Variants in NDN observed in about 807,000 individuals in gnomAD.
NDN encodes necdin, MAGE family member.
For synonymous variants in NDN, 245 were observed against 189.4 expected (o/e 1.29, Z -2.41); for missense variants, 465 against 440.4 (o/e 1.06, Z -0.50).
At position 23,686,456 on chromosome 15, in the gene NDN, C is replaced by A. The variant is rs1463392345; in HGVS notation, c.762G>T (p.Glu254Asp). 1 of 1,610,880 alleles carries A rather than the reference C, an allele frequency of 6.2e-7. No homozygotes were observed. ...YLKYQRVPYVEPPEYEFFWGS... is the reference protein window; with the variant it reads ...YLKYQRVPYVDPPEYEFFWGS... ...CCCAAAAGAACTCGTATTCGGGCGG[C>A]TCCACGTATGGGACGCGCTGGTACT... Residue 254 changes from glutamate to aspartate, a missense_variant, in exon 1 of 1, where the codon GAG (glutamate) becomes GAT (aspartate). Transcript: ENST00000649030.
chr15:23,686,543 G>A lies in NDN; in HGVS notation c.675C>T (p.His225=). ...RILGLRPWKK[H]STFGDVRKLI... is the part of the protein sequence containing the mutation. ...GCTTCCGCACGTCCCCGAAGGTGGA[G>A]TGCTTCTTCCAGGGCCGCAGCCCCA... Residue 225 remains histidine (H), a synonymous_variant, in exon 1 of 1, where the codon CAC becomes CAT. Transcript: ENST00000649030. 2.5e-6 allele frequency: 4 copies of A among 1,613,526 alleles called. No homozygotes were observed. Among genetic ancestry groups the A allele is most frequent in the Non-Finnish European group, 2.5e-6 (3 of 1,180,028 alleles).
In NDN at chr15:23,686,083, G is replaced by T; in HGVS notation, c.*169C>A. 2.7e-6 allele frequency: 2 copies of T among 741,166 alleles called. No individual in the cohort carries two copies. Among genetic ancestry groups the T allele is most frequent in the African/African-American group, 1.8e-5 (1 of 56,282 alleles). 45.9% of individuals were successfully genotyped at this position (741,166 alleles called of 1,614,324 possible). A position where few individuals can be genotyped will look rare whatever the true frequency, so the allele number is the denominator to read the frequency against. Reference sequence around the variant, plus strand: ...CATACATCCTAAATACTACACAATAGTACCCAAATGAATACAACATTGCAT... The same window carrying T: ...CATACATCCTAAATACTACACAATATTACCCAAATGAATACAACATTGCAT... On this transcript the variant is annotated 3_prime_UTR_variant, in exon 1 of 1. Transcript: ENST00000649030.
In NDN at chr15:23,686,392, T is replaced by G. The variant is rs764572296; in HGVS notation, c.826A>C (p.Met276Leu). ...TTAAAGACCCTGGCCAGGAACTCCA[T>G]GATTTGCATCTTGGTGATTTCGCGG... ...ASREITKMQIMEFLARVFKKD... is the reference protein window; with the variant it reads ...ASREITKMQILEFLARVFKKD... Residue 276 changes from methionine (M) to leucine (L), a missense_variant, in exon 1 of 1, where the codon ATG (methionine) becomes CTG (leucine). Physicochemically the swap from Met to Leu is conservative, Grantham distance 15 (BLOSUM62 2). Coordinates refer to ENST00000649030, the MANE Select transcript of NDN (RefSeq NM_002487.3). 19 of 1,607,892 alleles carry G rather than the reference T, an allele frequency of 1.2e-5. No homozygotes were observed. In the South Asian group the frequency reaches 2.0e-4, roughly 17 times the overall value.
chr15:23,686,133 A>C lies in NDN; in HGVS notation c.*119T>G. On this transcript the variant is annotated 3_prime_UTR_variant, in exon 1 of 1. Coordinates refer to ENST00000649030, the MANE Select transcript of NDN (RefSeq NM_002487.3). ...TTAAAGGTATAAAAGCACTGTACTG[A>C]AAACTTAAAAGTTACACGTGAATAC... The C allele has an allele frequency of 1.6e-6, 2 of 1,284,740 alleles. No homozygotes were observed. Among genetic ancestry groups the C allele is most frequent in the Non-Finnish European group, 2.1e-6 (2 of 963,020 alleles). 79.6% of individuals were successfully genotyped at this position (1,284,740 alleles called of 1,614,324 possible). A position where few individuals can be genotyped will look rare whatever the true frequency, so the allele number is the denominator to read the frequency against.
Position 23,687,254 on chromosome 15 carries a change from C to G in NDN, c.-37G>C. The G allele has an allele frequency of 7.3e-7, 1 of 1,377,144 alleles. No individual in the cohort carries two copies. The highest frequency in any genetic ancestry group is 9.4e-7 in the Non-Finnish European group (1 of 1,059,172). 85.3% of individuals were successfully genotyped at this position (1,377,144 alleles called of 1,614,324 possible). A position where few individuals can be genotyped will look rare whatever the true frequency, so the allele number is the denominator to read the frequency against. ...CTGGCAAGGGCAGGGCCTCTGCGTC[C>G]AGGAGCTCTTCGAGCCTGCGCTCCC... On this transcript the variant is annotated 5_prime_UTR_variant, in exon 1 of 1. Transcript: ENST00000649030.
rs1169376776 is a variant in NDN at position 23,685,442 on chromosome 15, TCTTA to T, written c.*806_*809del. On this transcript the variant is annotated 3_prime_UTR_variant, in exon 1 of 1. Coordinates refer to ENST00000649030, the MANE Select transcript of NDN (RefSeq NM_002487.3). ...TCCCATATGATGTGATTACAGACAA[TCTTA>T]CTGTTTTGTTTTGTATACTTTTCTA... The T allele has an allele frequency of 1.8e-4, 28 of 152,194 alleles. No homozygotes were observed. The highest frequency in any genetic ancestry group is 4.3e-4 in the African/African-American group (18 of 41,446). 9.4% of individuals were successfully genotyped at this position (152,194 alleles called of 1,614,324 possible). A position where few individuals can be genotyped will look rare whatever the true frequency, so the allele number is the denominator to read the frequency against.
At position 23,685,449 on chromosome 15, in the gene NDN, GT is replaced by G. The variant is rs1176475774; in HGVS notation, c.*802del. 1 of 152,028 alleles carries G rather than the reference GT, an allele frequency of 6.6e-6. No individual in the cohort carries two copies. Among genetic ancestry groups the G allele is most frequent in the Non-Finnish European group, 1.5e-5 (1 of 67,986 alleles). The allele number at this position is 152,028 out of a possible 1,614,324, so 9.4% of individuals were successfully genotyped here. On this transcript the variant is annotated 3_prime_UTR_variant, in exon 1 of 1. Coordinates refer to ENST00000649030, the MANE Select transcript of NDN (RefSeq NM_002487.3). ...TGATGTGATTACAGACAATCTTACTGTTTTGTTTTGTATACTTTTCTATATT... is the reference window on the plus strand; with the variant it reads ...TGATGTGATTACAGACAATCTTACTGTTTGTTTTGTATACTTTTCTATATT...
chr15:23,686,948 C>G lies in NDN; in HGVS notation c.270G>C (p.Pro90=), dbSNP rs773231005. 1 of 1,606,332 alleles carries G rather than the reference C, an allele frequency of 6.2e-7. No homozygotes were observed. The highest frequency in any genetic ancestry group is 1.1e-5 in the South Asian group (1 of 90,592). The change falls in exon 1 of 1, where the codon CCG becomes CCC. Residue 90 remains proline (P), a synonymous_variant. Transcript: ENST00000649030. The part of the protein sequence containing the change: ...HQAPSAAQPG[P]APPAPAQLVQ... The stretch of plus-strand genomic sequence containing the variant: ...CCAGCTGCGCCGGGGCTGGCGGTGC[C>G]GGGCCCGGCTGGGCCGCGCTCGGGG...
At position 23,687,253 on chromosome 15, in the gene NDN, C is replaced by G. The variant is rs1282642195; in HGVS notation, c.-36G>C. 1.5e-6 allele frequency: 2 copies of G among 1,377,460 alleles called. No homozygotes were observed. The highest frequency in any genetic ancestry group is 3.0e-5 in the African/African-American group (2 of 66,570). 85.3% of individuals were successfully genotyped at this position (1,377,460 alleles called of 1,614,324 possible). ...TCTGGCAAGGGCAGGGCCTCTGCGTCCAGGAGCTCTTCGAGCCTGCGCTCC... is the reference window on the plus strand; with the variant it reads ...TCTGGCAAGGGCAGGGCCTCTGCGTGCAGGAGCTCTTCGAGCCTGCGCTCC... On this transcript the variant is annotated 5_prime_UTR_variant, in exon 1 of 1. Transcript: ENST00000649030.
At position 23,686,775 on chromosome 15, in the gene NDN, G is replaced by C. The variant is rs373844557; in HGVS notation, c.443C>G (p.Ala148Gly). 1.2e-6 allele frequency: 2 copies of C among 1,613,928 alleles called. No individual in the cohort carries two copies. Among genetic ancestry groups the C allele is most frequent in the Non-Finnish European group, 1.7e-6 (2 of 1,180,024 alleles). Reference protein sequence around the residue: ...SILRRTSLILARVFGLHLRLT... With the variant: ...SILRRTSLILGRVFGLHLRLT... The stretch of plus-strand genomic sequence containing the variant: ...CCTCAGGTGCAGCCCGAACACCCGG[G>C]CGAGGATGAGGCTGGTGCGCCGGAG... The change falls in exon 1 of 1, where the codon GCC (alanine) becomes GGC (glycine). Residue 148 changes from alanine to glycine, a missense_variant. Ala to Gly is a moderately conservative substitution (Grantham distance 60). Transcript: ENST00000649030.
In NDN at chr15:23,687,254, C is replaced by T. The variant is rs1891170057; in HGVS notation, c.-37G>A. 2 of 1,377,036 alleles carry T rather than the reference C, an allele frequency of 1.5e-6. No individual in the cohort carries two copies. Among genetic ancestry groups the T allele is most frequent in the Admixed American group, 3.0e-5 (1 of 33,370 alleles). The allele number at this position is 1,377,036 out of a possible 1,614,324, so 85.3% of individuals were successfully genotyped here. On this transcript the variant is annotated 5_prime_UTR_variant, in exon 1 of 1. Transcript: ENST00000649030. ...CTGGCAAGGGCAGGGCCTCTGCGTCCAGGAGCTCTTCGAGCCTGCGCTCCC... is the reference window on the plus strand; with the variant it reads ...CTGGCAAGGGCAGGGCCTCTGCGTCTAGGAGCTCTTCGAGCCTGCGCTCCC...
At position 23,686,660 on chromosome 15, in the gene NDN, G is replaced by A. The variant is rs1448944813; in HGVS notation, c.558C>T (p.Pro186=). 1 of 1,613,484 alleles carries A rather than the reference G, an allele frequency of 6.2e-7. No homozygotes were observed. The highest frequency in any genetic ancestry group is 8.5e-7 in the Non-Finnish European group (1 of 1,180,006). The change falls in exon 1 of 1, where the codon CCC becomes CCT. Residue 186 remains proline, a synonymous_variant. Transcript: ENST00000649030. ...LDRVALSNRM[P]MTGLLLMILS... is the part of the protein sequence containing the mutation. ...GGATCATGAGCAGGAGGCCTGTCATGGGCATGCGGTTGCTCAGCGCCACCC... is the reference window on the plus strand; with the variant it reads ...GGATCATGAGCAGGAGGCCTGTCATAGGCATGCGGTTGCTCAGCGCCACCC...
In NDN at chr15:23,687,198, T is replaced by C; in HGVS notation, c.20A>G (p.Asp7Gly). Residue 7 changes from aspartate (D) to glycine (G), a missense_variant, in exon 1 of 1, where the codon GAT becomes GGT. Asp to Gly is a moderately conservative substitution (Grantham distance 94). Coordinates refer to ENST00000649030, the MANE Select transcript of NDN (RefSeq NM_002487.3). MSEQSK[D>G]LSDPNFAAEA... ...GGCTGCAAAGTTAGGGTCGCTCAGA[T>C]CCTTACTTTGTTCTGACATGTCTGC... The C allele has an allele frequency of 1.3e-6, 2 of 1,503,376 alleles. No individual in the cohort carries two copies. The highest frequency in any genetic ancestry group is 1.8e-6 in the Non-Finnish European group (2 of 1,129,458). 93.1% of individuals were successfully genotyped at this position (1,503,376 alleles called of 1,614,324 possible).
In NDN at chr15:23,686,776, C is replaced by T; in HGVS notation, c.442G>A (p.Ala148Thr). 6.2e-7 allele frequency: 1 copy of T among 1,614,014 alleles called. No homozygotes were observed. The highest frequency in any genetic ancestry group is 8.5e-7 in the Non-Finnish European group (1 of 1,180,012). Residue 148 changes from alanine to threonine, a missense_variant, in exon 1 of 1, where the codon GCC (alanine) becomes ACC (threonine). Transcript: ENST00000649030. ...CTCAGGTGCAGCCCGAACACCCGGG[C>T]GAGGATGAGGCTGGTGCGCCGGAGG... ...SILRRTSLIL[A>T]RVFGLHLRLT...
Position 23,686,074 on chromosome 15 carries a change from TACACA to T in NDN, c.*173_*177del, listed in dbSNP as rs561888050. The T allele has an allele frequency of 8.9e-4, 606 of 683,226 alleles. 14 individuals are homozygous for T. In the South Asian group the frequency reaches 0.029, roughly 33 times the overall value. The allele number at this position is 683,226 out of a possible 1,614,324, so 42.3% of individuals were successfully genotyped here. Reference sequence around the variant, plus strand: ...ACAAACATGCATACATCCTAAATACTACACAATAGTACCCAAATGAATACAACATT... The same window carrying T: ...ACAAACATGCATACATCCTAAATACTATAGTACCCAAATGAATACAACATT... On this transcript the variant is annotated 3_prime_UTR_variant, in exon 1 of 1. Transcript: ENST00000649030.
At position 23,685,427 on chromosome 15, in the gene NDN, T is replaced by C. The variant is rs1321634829; in HGVS notation, c.*825A>G. ...ATTTTTGTTTTTTATTCCCATATGA[T>C]GTGATTACAGACAATCTTACTGTTT... On this transcript the variant is annotated 3_prime_UTR_variant, in exon 1 of 1. Coordinates refer to ENST00000649030, the MANE Select transcript of NDN (RefSeq NM_002487.3). 6.6e-6 allele frequency: 1 copy of C among 152,240 alleles called. No homozygotes were observed. Among genetic ancestry groups the C allele is most frequent in the Non-Finnish European group, 1.5e-5 (1 of 68,042 alleles). 9.4% of individuals were successfully genotyped at this position (152,240 alleles called of 1,614,324 possible). A position where few individuals can be genotyped will look rare whatever the true frequency, so the allele number is the denominator to read the frequency against.
rs978719509 is a variant in NDN at position 23,686,550 on chromosome 15, T to C, written c.668A>G (p.Lys223Arg). The part of the protein sequence containing the change: ...VLRILGLRPW[K>R]KHSTFGDVRK... Reference sequence around the variant, plus strand: ...CACGTCCCCGAAGGTGGAGTGCTTCTTCCAGGGCCGCAGCCCCAGGATGCG... The same window carrying C: ...CACGTCCCCGAAGGTGGAGTGCTTCCTCCAGGGCCGCAGCCCCAGGATGCG... Residue 223 changes from lysine (K) to arginine (R), a missense_variant, in exon 1 of 1, where the codon AAG (lysine) becomes AGG (arginine). Transcript: ENST00000649030. 1.2e-6 allele frequency: 2 copies of C among 1,613,466 alleles called. No individual in the cohort carries two copies. Among genetic ancestry groups the C allele is most frequent in the Non-Finnish European group, 1.7e-6 (2 of 1,180,012 alleles).
rs1345384791 is a variant in NDN, at chr15:23,685,517, A to G, written c.*735T>C. 6.6e-6 allele frequency: 1 copy of G among 152,232 alleles called. No individual in the cohort carries two copies. The highest frequency in any genetic ancestry group is 1.5e-5 in the Non-Finnish European group (1 of 68,048). The allele number at this position is 152,232 out of a possible 1,614,324, so 9.4% of individuals were successfully genotyped here. A position where few individuals can be genotyped will look rare whatever the true frequency, so the allele number is the denominator to read the frequency against. ...ATAAACATGAGTTACATTTAAAGAC[A>G]ATAGAACTATAAACTTCACAAATTT... On this transcript the variant is annotated 3_prime_UTR_variant, in exon 1 of 1. Coordinates refer to ENST00000649030, the MANE Select transcript of NDN (RefSeq NM_002487.3).
rs1891156783 is a variant in NDN, at chr15:23,686,863, T to C, written c.355A>G (p.Ile119Val). The change falls in exon 1 of 1, where the codon ATC (isoleucine) becomes GTC (valine). Residue 119 changes from isoleucine to valine, a missense_variant. Coordinates refer to ENST00000649030, the MANE Select transcript of NDN (RefSeq NM_002487.3). Reference protein sequence around the residue: ...VLVKDQKKMIIWFPDMVKDVI... With the variant: ...VLVKDQKKMIVWFPDMVKDVI... Reference sequence around the variant, plus strand: ...TCTTTCACCATGTCTGGAAACCAGATGATCATCTTCTTCTGGTCCTTGACC... The same window carrying C: ...TCTTTCACCATGTCTGGAAACCAGACGATCATCTTCTTCTGGTCCTTGACC... 3.7e-6 allele frequency: 6 copies of C among 1,614,146 alleles called. 1 individual carries two copies. Among genetic ancestry groups the C allele is most frequent in the Non-Finnish European group, 5.1e-6 (6 of 1,180,008 alleles).
Sources: allele counts gnomAD v4.1 joint callset, GRCh38; gene constraint gnomAD v4.1.1; transcripts MANE v1.5; gene names NCBI Gene and HGNC (gene_info 2026-07-23, HGNC 2026-07-21).